Variants in ZNF76 observed in about 807,000 individuals in gnomAD.
ZNF76 encodes zinc finger protein 76.
Under a neutral mutation model 66.9 loss-of-function variants are expected in ZNF76, and 66 were observed. The ratio of observed to expected loss-of-function variants is 0.99; its 90% CI spans 0.81 to 1.21. The LOEUF (loss-of-function observed/expected upper bound fraction) is 1.21, where lower values mean the gene tolerates loss of function less well. Among genes scored for constraint, ZNF76 ranks in the 50% most tolerant of loss-of-function variants. ZNF76 has a pLI of 0.00. For missense variants in ZNF76, 729 were observed against 760.3 expected, an observed-to-expected ratio of 0.96 and a Z score of 0.48; for synonymous variants, 275 against 296.1, an observed-to-expected ratio of 0.93 and a Z score of 0.73.
At chr6:35,280,113 G>A (rs1390139902) in intron 1 of ZNF76, among the ~76,000 whole-genome samples, 1 of 151,994 alleles carries the variant, frequency 6.6e-6, no homozygotes, top group Non-Finnish European at 1.5e-5. Context: ...TTACAGGCAT[G>A]AGCCACTACA....
In ZNF76 at chr6:35,292,223, T is replaced by TTG. The variant is rs932863053; in HGVS notation, c.932-330_932-329dup. The TTG allele has an allele frequency of 6.4e-5, 29 of 451,072 alleles. No homozygotes were observed. The highest frequency in any genetic ancestry group is 5.3e-4 in the African/African-American group (27 of 50,558). The allele number at this position is 451,072 out of a possible 1,614,324, so 27.9% of individuals were successfully genotyped here. The stretch of plus-strand genomic sequence containing the variant: ...ATCACAACTGATACTTCAGTCATCC[T>TTG]TGCCTCTTGCCTCTGCTGTTCACCA... On this transcript the variant is annotated intron_variant, in intron 9 of 13. Transcript: ENST00000373953. The surrounding 1 kb of genome is among the most constrained non-coding windows in gnomAD (Gnocchi z 4.7).
intron 9 of ZNF76, 143 bp downstream of exon 9, chr6:35,291,880 C>A (rs1486792541): frequency 2.2e-6 from 2 of 891,728 alleles, no homozygotes; most frequent in Middle Eastern, 2.2e-4. Flanking sequence ...GGTAGGGTAT[C>A]CCCAGAACAA....
In ZNF76 at chr6:35,283,806, G is replaced by A. The variant is rs572874167; in HGVS notation, c.74-2322G>A. On this transcript the variant is annotated intron_variant, in intron 2 of 13. Coordinates refer to ENST00000373953, the MANE Select transcript of ZNF76 (RefSeq NM_003427.5). Reference sequence around the variant, plus strand: ...AAATGAGGGTAGCCTACTGCTCTGTGGGTGGGAGGGAAGAAAATGGGTTCA... The same window carrying A: ...AAATGAGGGTAGCCTACTGCTCTGTAGGTGGGAGGGAAGAAAATGGGTTCA... Among the ~76,000 whole-genome samples, 96 of 152,318 alleles carry A rather than the reference G, an allele frequency of 6.3e-4. 1 individual carries two copies. The highest frequency in any genetic ancestry group is 2.2e-3 in the African/African-American group (91 of 41,570).
intron 2 of ZNF76, among the ~76,000 whole-genome samples, chr6:35,284,545 C>T (rs1357323863): frequency 6.6e-6 from 1 of 151,368 alleles, no homozygotes; most frequent in Non-Finnish European, 1.5e-5. Flanking sequence ...ACGACAGGTA[C>T]CTGCCTCCAC....
At chr6:35,272,341 C>G (rs1435665712) in intron 1 of ZNF76, among the ~76,000 whole-genome samples, 2 of 152,130 alleles carry the variant, frequency 1.3e-5, no homozygotes, top group African/African-American at 4.8e-5. Flanking sequence ...TGGTAGTGCA[C>G]ACCTGTAGTC....
At chr6:35,294,603 C>A in intron 13 of ZNF76, 34 bp downstream of exon 13, 1 of 1,449,568 alleles carries the variant, frequency 6.9e-7, no homozygotes, top group Non-Finnish European at 9.7e-7. Context: ...GGGGATCCCA[C>A]GGCCAGAGAA....
In ZNF76 at chr6:35,281,163, G is replaced by C; in HGVS notation, c.12G>C (p.Leu4Phe). 5.6e-6 allele frequency: 9 copies of C among 1,614,020 alleles called. No individual in the cohort carries two copies. Among genetic ancestry groups the C allele is most frequent in the Non-Finnish European group, 7.6e-6 (9 of 1,180,032 alleles). Residue 4 changes from leucine (L) to phenylalanine (F), a missense_variant, in exon 2 of 14, where the codon TTG becomes TTC. Physicochemically the swap from Leu to Phe is conservative, Grantham distance 22 (BLOSUM62 0). Transcript: ENST00000373953. MES[L>F]GLHTVTLSDG... The stretch of plus-strand genomic sequence containing the variant: ...AGCAGCAGTTTGCCATGGAGAGCTT[G>C]GGGCTGCACACGGTGACCCTTAGTG...
At chr6:35,267,446 T>C (rs1786319387) in intron 1 of ZNF76, among the ~76,000 whole-genome samples, 1 of 152,092 alleles carries the variant, frequency 6.6e-6, no homozygotes, top group East Asian at 1.9e-4. Flanking sequence ...GCCCCTCCTA[T>C]TGTGGGAGTT....
At position 35,286,363 on chromosome 6, in the gene ZNF76, G is replaced by T; in HGVS notation, c.196G>T (p.Asp66Tyr). ...FEDGQPVQLE[D>Y]GSMAYIHRTP... ...GGATGGTCAGCCTGTGCAGCTGGAAGATGGCAGCATGGCTTACATACACCG... is the reference window on the plus strand; with the variant it reads ...GGATGGTCAGCCTGTGCAGCTGGAATATGGCAGCATGGCTTACATACACCG... Residue 66 changes from aspartate to tyrosine, a missense_variant, in exon 4 of 14, where the codon GAT becomes TAT. Transcript: ENST00000373953. 2 of 1,614,214 alleles carry T rather than the reference G, an allele frequency of 1.2e-6. No individual in the cohort carries two copies. The highest frequency in any genetic ancestry group is 1.1e-5 in the South Asian group (1 of 91,092).
At position 35,287,846 on chromosome 6, in the gene ZNF76, G is replaced by A; in HGVS notation, c.432+1G>A. On this transcript the variant is annotated splice_donor_variant, in intron 5 of 13. Coordinates refer to ENST00000373953, the MANE Select transcript of ZNF76 (RefSeq NM_003427.5). LOFTEE classifies it high-confidence loss of function. The surrounding 1 kb of genome is among the most constrained non-coding windows in gnomAD (Gnocchi z 4.0). The stretch of plus-strand genomic sequence containing the variant: ...GGCCCTGGAGCAGTATGCCAGCAAG[G>A]TGAGCACGCACAGCGTGACACGGTC... The A allele has an allele frequency of 6.3e-7, 1 of 1,586,158 alleles. No homozygotes were observed. Among genetic ancestry groups the A allele is most frequent in the East Asian group, 2.3e-5 (1 of 42,674 alleles).
At chr6:35,289,936 A>G (rs568624011) in intron 5 of ZNF76, among the ~76,000 whole-genome samples, 1 of 152,318 alleles carries the variant, frequency 6.6e-6, no homozygotes, top group South Asian at 2.1e-4. Context: ...CACTTGGTCC[A>G]GTTCAAGCAT....
intron 1 of ZNF76, among the ~76,000 whole-genome samples, chr6:35,271,354 T>C (rs764763799): frequency 5.3e-5 from 8 of 152,244 alleles, no homozygotes; most frequent in Non-Finnish European, 1.2e-4. Flanking sequence ...CACAGCCTCA[T>C]GGACATTGCT....
In ZNF76 at chr6:35,294,550, G is replaced by C. The variant is rs146688406; in HGVS notation, c.1589G>C (p.Gly530Ala). 3 of 1,613,648 alleles carry C rather than the reference G, an allele frequency of 1.9e-6. No homozygotes were observed. Among genetic ancestry groups the C allele is most frequent in the Non-Finnish European group, 2.5e-6 (3 of 1,179,678 alleles). The change falls in exon 13 of 14, where the codon GGA (glycine) becomes GCA (alanine). Residue 530 changes from glycine to alanine, a missense_variant. Gly to Ala is a moderately conservative substitution (Grantham distance 60). Transcript: ENST00000373953. ...GTGGCACTGTTGGCCACAGCCAACG[G>C]AACGCACATTGCAGTGCAGGTGAGT... ...QQVALLATAN[G>A]THIAVQLEEQ... is the part of the protein sequence containing the mutation.
chr6:35,266,666 A>G (rs527396790), intron 1 of ZNF76, among the ~76,000 whole-genome samples: 28 of 152,222 alleles, frequency 1.8e-4, no homozygotes, highest in Admixed American at 1.7e-3. Flanking sequence ...TGGGAAGAAC[A>G]CTGGTGGTCA....
chr6:35,288,749 G>C (rs994418148), intron 5 of ZNF76, among the ~76,000 whole-genome samples: 8 of 152,162 alleles, frequency 5.3e-5, no homozygotes, highest in Non-Finnish European at 1.0e-4. Flanking sequence ...TTGAGTCCAG[G>C]AGTTTGAGAC....
Position 35,286,589 on chromosome 6 carries a change from T to C in ZNF76, c.232+190T>C, listed in dbSNP as rs1789602924. 2.4e-5 allele frequency: 15 copies of C among 629,856 alleles called. No homozygotes were observed. The South Asian group carries it at 2.7e-4, about 12-fold the overall frequency. The allele number at this position is 629,856 out of a possible 1,614,324, so 39.0% of individuals were successfully genotyped here. A position where few individuals can be genotyped will look rare whatever the true frequency, so the allele number is the denominator to read the frequency against. ...CCCTGGTGCAGACCACAGGAGCAGC[T>C]ATGTCTGCAACTGGGAGGTGAGCCT... On this transcript the variant is annotated intron_variant, in intron 4 of 13. Coordinates refer to ENST00000373953, the MANE Select transcript of ZNF76 (RefSeq NM_003427.5).
At chr6:35,267,063 T>C (rs1332019399) in intron 1 of ZNF76, among the ~76,000 whole-genome samples, 1 of 152,074 alleles carries the variant, frequency 6.6e-6, no homozygotes, top group African/African-American at 2.4e-5. Context: ...CCTCCCAAAG[T>C]GCTGGGATTA....
chr6:35,266,797 CTTTTTTTTTT>C (rs57833954), intron 1 of ZNF76, among the ~76,000 whole-genome samples: 2 of 93,280 alleles, frequency 2.1e-5, no homozygotes, highest in Non-Finnish European at 3.8e-5. Context: ...TTGTCTATTT[CTTTTTTTTTT>C]TTTTTTTTTT....
chr6:35,264,925 A>G (rs1785774040), intron 1 of ZNF76, among the ~76,000 whole-genome samples: 1 of 152,114 alleles, frequency 6.6e-6, no homozygotes, highest in African/African-American at 2.4e-5. Flanking sequence ...TAAGGAGGAA[A>G]GAGGGACTGA....
Sources: allele counts gnomAD v4.1 joint callset (sites outside exome capture counted in the v4.1 genomes callset), GRCh38; gene constraint gnomAD v4.1.1; non-coding constraint Gnocchi (gnomAD v3.1); transcripts MANE v1.5; gene names NCBI Gene and HGNC (gene_info 2026-07-23, HGNC 2026-07-21).